Variants in CSMD1 observed in about 807,000 individuals in gnomAD.
CSMD1 encodes the protein CUB and sushi domain-containing protein 1.
Under a neutral mutation model 417.5 loss-of-function variants are expected in CSMD1, and 213 were observed. The observed-to-expected ratio is 0.51, with a 90% confidence interval of 0.46 to 0.57. The LOEUF is 0.57. Among genes scored for constraint, CSMD1 ranks in the 20% least tolerant of loss-of-function variants. The probability of loss-of-function intolerance (pLI) is 0.00; values close to 1 mark genes in which losing one functional copy is unlikely to be tolerated. For missense variants in CSMD1, 6,923 were observed against 4,529.7 expected, an observed-to-expected ratio of 1.53 and a Z score of -15.17; for synonymous variants, 2,862 against 1,736.8, an observed-to-expected ratio of 1.65 and a Z score of -16.11.
At chr8:4,711,485 T>C (rs1808292801) in intron 1 of CSMD1, among the ~76,000 whole-genome samples, 1 of 152,116 alleles carries the variant, frequency 6.6e-6, no homozygotes, top group Non-Finnish European at 1.5e-5. Flanking sequence ...TAAAGCAAAA[T>C]TTATTTTCAG....
chr8:4,245,661 T>C (rs1585089272), intron 3 of CSMD1, among the ~76,000 whole-genome samples: 1 of 152,270 alleles, frequency 6.6e-6, no homozygotes, highest in East Asian at 1.9e-4. Context: ...ATAACCAATC[T>C]ACCCCATATG....
intron 37 of CSMD1, among the ~76,000 whole-genome samples, chr8:3,163,617 G>GAAAAA (rs996110984): frequency 9.3e-6 from 1 of 108,032 alleles, no homozygotes; most frequent in Middle Eastern, 4.5e-3. Flanking sequence ...TTCCGAAAAA[G>GAAAAA]AAAAAAAAAA....
intron 10 of CSMD1, among the ~76,000 whole-genome samples, chr8:3,519,856 C>T (rs906583821): frequency 6.6e-6 from 1 of 151,966 alleles, no homozygotes; most frequent in African/African-American, 2.4e-5. Flanking sequence ...CATCAACCTC[C>T]CACTAAAATA....
chr8:4,454,102 G>A (rs561049747), intron 2 of CSMD1, among the ~76,000 whole-genome samples: 8 of 152,072 alleles, frequency 5.3e-5, no homozygotes, highest in Admixed American at 1.3e-4. Context: ...GATTACAGGC[G>A]TGAGCCACTG....
At chr8:3,978,438 C>G (rs1416857790) in intron 5 of CSMD1, among the ~76,000 whole-genome samples, 3 of 152,058 alleles carry the variant, frequency 2.0e-5, no homozygotes, top group South Asian at 4.1e-4. Context: ...ACTCTTGGAA[C>G]CTACCTACCA....
At chr8:3,688,881 C>A (rs1350871892) in intron 7 of CSMD1, among the ~76,000 whole-genome samples, 1 of 152,026 alleles carries the variant, frequency 6.6e-6, no homozygotes, top group Middle Eastern at 3.2e-3. Context: ...GAAATAGACT[C>A]ACTTAGATCT....
chr8:4,460,332 A>C (rs1169446953), intron 2 of CSMD1, among the ~76,000 whole-genome samples: 2 of 152,142 alleles, frequency 1.3e-5, no homozygotes, highest in African/African-American at 4.8e-5. Context: ...ATGCAACTGA[A>C]GAATTGCATA....
At chr8:4,376,029 G>A (rs956268736) in intron 3 of CSMD1, among the ~76,000 whole-genome samples, 2 of 152,082 alleles carry the variant, frequency 1.3e-5, no homozygotes, top group African/African-American at 4.8e-5. Flanking sequence ...GAAAATGCCC[G>A]TCTTTAAGTC....
At chr8:3,891,217 T>C (rs1472117075) in intron 5 of CSMD1, among the ~76,000 whole-genome samples, 1 of 152,014 alleles carries the variant, frequency 6.6e-6, no homozygotes, top group African/African-American at 2.4e-5. Flanking sequence ...GGCTAATATT[T>C]GTATTTTTCT....
chr8:3,156,238 T>C (rs186313440), intron 39 of CSMD1, among the ~76,000 whole-genome samples: 1 of 152,296 alleles, frequency 6.6e-6, no homozygotes, highest in Non-Finnish European at 1.5e-5. Context: ...TGTCTGGACA[T>C]AAATGGGTTC....
At chr8:3,883,253 T>A (rs984901182) in intron 5 of CSMD1, among the ~76,000 whole-genome samples, 13 of 152,170 alleles carry the variant, frequency 8.5e-5, no homozygotes, top group South Asian at 6.2e-4. Context: ...TTCCTCATAT[T>A]AAATATTGAG....
chr8:3,213,900 C>G (rs1209808590), intron 30 of CSMD1, among the ~76,000 whole-genome samples: 4 of 151,576 alleles, frequency 2.6e-5, no homozygotes, highest in Non-Finnish European at 5.9e-5. Flanking sequence ...CTCTGTCACC[C>G]AGGCTGGAGT....
At chr8:3,484,393 C>G (rs565818707) in intron 11 of CSMD1, among the ~76,000 whole-genome samples, 3 of 152,156 alleles carry the variant, frequency 2.0e-5, no homozygotes, top group Non-Finnish European at 4.4e-5. Context: ...CCAGGCAAAC[C>G]GTGAACCTCA....
intron 3 of CSMD1, among the ~76,000 whole-genome samples, chr8:4,137,803 T>G: frequency 1.3e-5 from 1 of 77,518 alleles, no homozygotes; most frequent in East Asian, 2.6e-4. Flanking sequence ...CCAAATTAAT[T>G]TTCCCCTTAC....
intron 2 of CSMD1, among the ~76,000 whole-genome samples, chr8:4,458,007 T>C (rs1217678): frequency 0.019 from 2,887 of 152,270 alleles, 75 homozygotes; most frequent in African/African-American, 0.064. Flanking sequence ...GGTAGTGACT[T>C]CTCCCTATAT....
intron 2 of CSMD1, among the ~76,000 whole-genome samples, chr8:4,470,788 G>A (rs59761668): frequency 0.071 from 10,872 of 152,204 alleles, 699 homozygotes; most frequent in East Asian, 0.24. Context: ...CAATATTTAA[G>A]GATTGTCTAA....
chr8:4,319,114 G>A (rs902241914), intron 3 of CSMD1, among the ~76,000 whole-genome samples: 1 of 152,064 alleles, frequency 6.6e-6, no homozygotes, highest in Admixed American at 6.6e-5. Flanking sequence ...ACAAAGTAAG[G>A]AGGATTTTAA....
intron 3 of CSMD1, among the ~76,000 whole-genome samples, chr8:4,070,109 T>G (rs1305971797): frequency 6.6e-6 from 1 of 152,306 alleles, no homozygotes; most frequent in East Asian, 1.9e-4. Flanking sequence ...CCAAGATTTT[T>G]CAGTCTTCTT....
chr8:4,741,020 G>A (rs904468491), intron 1 of CSMD1, among the ~76,000 whole-genome samples: 8 of 151,954 alleles, frequency 5.3e-5, no homozygotes, highest in Non-Finnish European at 7.4e-5. Flanking sequence ...TACTAGAACC[G>A]AAAGTCCTAG....
Sources: gnomAD v4.1 joint callset for allele counts (sites outside exome capture counted in the v4.1 genomes callset) on GRCh38, gnomAD v4.1.1 for gene constraint, MANE v1.5 for transcripts, NCBI Gene and HGNC (gene_info 2026-07-23, HGNC 2026-07-21) for gene names.